RFC3: variants seen among roughly 807,000 people sequenced by gnomAD.
The protein encoded by RFC3 is replication factor C subunit 3.
Under a neutral mutation model 45.1 loss-of-function variants are expected in RFC3, and 41 were observed. The ratio of observed to expected loss-of-function variants is 0.91; its 90% CI spans 0.71 to 1.18. The LOEUF is 1.18. Ranked by LOEUF, RFC3 falls within the 50% of genes most tolerant of loss-of-function variation. RFC3 has a pLI of 0.00. For missense variants in RFC3, 423 were observed against 428.1 expected (o/e 0.99, Z 0.10); for synonymous variants, 149 against 144.0 (o/e 1.03, Z -0.25).
At chr13:33,971,868 T>G in the RFC3 span, among the ~76,000 whole-genome samples, 1 of 152,186 alleles carries the variant, frequency 6.6e-6, no homozygotes, top group Non-Finnish European at 1.5e-5. Context: ...TCCTAGTACT[T>G]TGGGAGGTCG....
chr13:33,972,383 A>G, the RFC3 span, among the ~76,000 whole-genome samples: 2 of 152,116 alleles, frequency 1.3e-5, no homozygotes, highest in African/African-American at 4.8e-5. Flanking sequence ...AACTGTCTTC[A>G]GTGTGTGTTC....
intron 1 of RFC3, 138 bp downstream of exon 1, chr13:33,818,403 G>A (rs1351384607): frequency 7.7e-6 from 5 of 645,690 alleles, no homozygotes; most frequent in African/African-American, 5.5e-5. Flanking sequence ...ACAGGGAAGG[G>A]GGAAGAGGTG....
chr13:33,884,640 A>T (rs139850151), intron 8 of RFC3, among the ~76,000 whole-genome samples: 53 of 152,308 alleles, frequency 3.5e-4, no homozygotes, highest in Non-Finnish European at 6.9e-4. Context: ...CCCGCTCACC[A>T]TGGCGACAGC....
At chr13:33,923,626 C>T (rs1238074272) in intron 8 of RFC3, among the ~76,000 whole-genome samples, 1 of 151,984 alleles carries the variant, frequency 6.6e-6, no homozygotes, top group African/African-American at 2.4e-5. Flanking sequence ...AATAACAACT[C>T]AAATTATAGA....
chr13:33,902,797 A>C (rs1488745166), intron 8 of RFC3, among the ~76,000 whole-genome samples: 1 of 152,026 alleles, frequency 6.6e-6, no homozygotes, highest in African/African-American at 2.4e-5. Context: ...GAGGTAAATT[A>C]GATCCTGTCA....
At chr13:33,899,538 A>G (rs753870205) in intron 8 of RFC3, among the ~76,000 whole-genome samples, 48 of 151,976 alleles carry the variant, frequency 3.2e-4, no homozygotes, top group Non-Finnish European at 5.7e-4. Context: ...ACCTCAAAGT[A>G]ATAAAGCCTG....
chr13:33,821,839 C>T (rs1406994306), intron 2 of RFC3, among the ~76,000 whole-genome samples: 1 of 152,108 alleles, frequency 6.6e-6, no homozygotes, highest in African/African-American at 2.4e-5. Context: ...CTTTTCATAC[C>T]CCATTAGAAT....
intron 1 of RFC3, among the ~76,000 whole-genome samples, chr13:33,819,763 T>C (rs1288487814): frequency 6.6e-6 from 1 of 152,250 alleles, no homozygotes; most frequent in African/African-American, 2.4e-5. Context: ...GACATGAATT[T>C]AATATAATGG....
At chr13:33,854,465 A>G (rs9528259) in intron 8 of RFC3, among the ~76,000 whole-genome samples, 134,406 of 152,234 alleles carry the variant, frequency 0.88, 59,708 homozygotes, top group Non-Finnish European at 0.94. Flanking sequence ...CAATGCATCA[A>G]AAATTTAATT....
At position 33,836,215 on chromosome 13, in the gene RFC3, C is replaced by T. The variant is rs1426651599; in HGVS notation, c.991C>T (p.His331Tyr). Reference sequence around the variant, plus strand: ...ACAGCTGGGTAGCAAAGCCATTTATCACTTGGAAGCGTTTGTGGCCAAATT... The same window carrying T: ...ACAGCTGGGTAGCAAAGCCATTTATTACTTGGAAGCGTTTGTGGCCAAATT... ...RLQLGSKAIYHLEAFVAKFMA... is the reference protein window; with the variant it reads ...RLQLGSKAIYYLEAFVAKFMA... The change falls in exon 9 of 9, where the codon CAC becomes TAC. Residue 331 changes from histidine to tyrosine, a missense_variant. His to Tyr is a moderately conservative substitution (Grantham distance 83). Coordinates refer to ENST00000380071, the MANE Select transcript of RFC3 (RefSeq NM_002915.4). The T allele has an allele frequency of 7.4e-6, 12 of 1,613,396 alleles. No homozygotes were observed. Among genetic ancestry groups the T allele is most frequent in the African/African-American group, 1.3e-5 (1 of 74,866 alleles).
At chr13:33,923,334 T>C (rs921840542) in intron 8 of RFC3, among the ~76,000 whole-genome samples, 5 of 151,732 alleles carry the variant, frequency 3.3e-5, no homozygotes, top group Non-Finnish European at 7.4e-5. Flanking sequence ...AGGGAGGGGG[T>C]CATCCATCTG....
intron 8 of RFC3, among the ~76,000 whole-genome samples, chr13:33,935,966 G>A (rs151040828): frequency 6.6e-6 from 1 of 152,308 alleles, no homozygotes; most frequent in African/African-American, 2.4e-5. Context: ...CAGGTCCCCT[G>A]AATGACATGC....
intron 3 of RFC3, among the ~76,000 whole-genome samples, chr13:33,825,115 G>A (rs1042890570): frequency 4.6e-5 from 7 of 152,158 alleles, no homozygotes; most frequent in Non-Finnish European, 1.0e-4. Context: ...TGCTTTTGGG[G>A]TGATTGAAAT....
chr13:33,929,850 A>G (rs920259135), intron 8 of RFC3, among the ~76,000 whole-genome samples: 1 of 152,084 alleles, frequency 6.6e-6, no homozygotes, highest in Non-Finnish European at 1.5e-5. Context: ...AAACATTTTT[A>G]TGAATCTTTG....
chr13:33,975,812 A>T, the RFC3 span, among the ~76,000 whole-genome samples: 1 of 152,202 alleles, frequency 6.6e-6, no homozygotes, highest in Non-Finnish European at 1.5e-5. Context: ...ATTGAACAAA[A>T]ACTAAATTAA....
chr13:33,887,373 C>T lies in RFC3; in HGVS notation c.879+52156C>T, dbSNP rs1373818272. ...CTCATTGTGGTTTTGATTTGCGTTT[C>T]TCTGATGGCCAGTGATGGTGAGCAT... On this transcript the variant is annotated intron_variant, in intron 8 of 8. Coordinates refer to the RFC3 transcript ENST00000434425. Among the ~76,000 whole-genome samples, 5 of 151,958 alleles carry T rather than the reference C, an allele frequency of 3.3e-5. No homozygotes were observed. In the East Asian group the frequency reaches 7.7e-4, roughly 23 times the overall value.
intron 8 of RFC3, among the ~76,000 whole-genome samples, chr13:33,930,240 C>T (rs1269086623): frequency 1.3e-5 from 2 of 151,982 alleles, no homozygotes; most frequent in African/African-American, 2.4e-5. Context: ...CGCAATAGGC[C>T]GTCTGCAAGT....
chr13:33,946,931 A>G (rs139584957), intron 8 of RFC3, among the ~76,000 whole-genome samples: 2 of 152,368 alleles, frequency 1.3e-5, no homozygotes, highest in East Asian at 1.9e-4. Context: ...TTACATGTTC[A>G]TGATTTCATT....
At chr13:33,904,093 T>A (rs1032537381) in intron 8 of RFC3, among the ~76,000 whole-genome samples, 2 of 151,550 alleles carry the variant, frequency 1.3e-5, no homozygotes, top group Non-Finnish European at 2.9e-5. Flanking sequence ...TTGAACATAC[T>A]AAAATTGTTT....
Sources: gnomAD v4.1 joint callset for allele counts (sites outside exome capture counted in the v4.1 genomes callset) on GRCh38, gnomAD v4.1.1 for gene constraint, MANE v1.5 for transcripts, NCBI Gene and HGNC (gene_info 2026-07-23, HGNC 2026-07-21) for gene names.